ZMIZ1: variants seen among roughly 807,000 people sequenced by gnomAD.
The protein encoded by ZMIZ1 is zinc finger MIZ-type containing 1.
In ZMIZ1, 17 loss-of-function variants were observed where a neutral mutation model predicts 113.9. That is an observed-to-expected ratio of 0.15 (90% CI 0.10 to 0.22). ZMIZ1 has a LOEUF of 0.22. Ranked by LOEUF, ZMIZ1 falls within the 10% of genes least tolerant of loss-of-function variation. The pLI, the probability that ZMIZ1 is intolerant of heterozygous loss-of-function variation, is 1.00. For missense variants in ZMIZ1, 1,059 were observed against 1,477.8 expected (o/e 0.72, Z 4.65); for synonymous variants, 607 against 603.1 (o/e 1.01, Z -0.09).
intron 4 of ZMIZ1, among the ~76,000 whole-genome samples, chr10:79,163,317 G>A (rs1174623221): frequency 6.6e-6 from 1 of 152,254 alleles, no homozygotes; most frequent in African/African-American, 2.4e-5. Context: ...CGTTCCTGCT[G>A]CAGGAAATCC....
At chr10:79,222,107 G>A (rs1032201628) in intron 7 of ZMIZ1, among the ~76,000 whole-genome samples, 1 of 152,252 alleles carries the variant, frequency 6.6e-6, no homozygotes, top group Non-Finnish European at 1.5e-5. Context: ...GTGGCTGGTG[G>A]CTGTCAATCA....
chr10:79,180,143 G>A (rs2132564882), intron 4 of ZMIZ1, among the ~76,000 whole-genome samples: 1 of 152,354 alleles, frequency 6.6e-6, no homozygotes, highest in South Asian at 2.1e-4. Context: ...CCAGGAGGGG[G>A]CATGGCCTGC....
chr10:79,142,314 G>A (rs1845305022), intron 3 of ZMIZ1, among the ~76,000 whole-genome samples: 1 of 152,190 alleles, frequency 6.6e-6, no homozygotes, highest in African/African-American at 2.4e-5. Flanking sequence ...TGGATTGATG[G>A]TGTTGCAAGT....
chr10:79,208,276 A>G, intron 5 of ZMIZ1, 60 bp from the exon 6 acceptor site: 3 of 1,498,750 alleles, frequency 2.0e-6, no homozygotes, highest in Non-Finnish European at 2.8e-6. Flanking sequence ...AGACCCCCAC[A>G]CGCTGCCTGT....
At chr10:79,181,466 G>A (rs572514353) in intron 4 of ZMIZ1, among the ~76,000 whole-genome samples, 214 of 152,332 alleles carry the variant, frequency 1.4e-3, no homozygotes, top group Middle Eastern at 3.4e-3. Flanking sequence ...CACCTCCTTG[G>A]GGCGGAGGCA....
rs201734007 is a variant in ZMIZ1, at chr10:79,311,066, C to T, written c.2978C>T (p.Pro993Leu). The T allele has an allele frequency of 3.5e-5, 56 of 1,613,638 alleles. No homozygotes were observed. The Middle Eastern group carries it at 6.6e-4, about 19-fold the overall frequency. Reference protein sequence around the residue: ...PPPPSQPPRQPPQAAPSSHPH... With the variant: ...PPPPSQPPRQLPQAAPSSHPH... ...CCTCCTTCCCAGCCTCCCCGGCAGC[C>T]GCCACAGGCCGCTCCCAGCAGCCAT... Residue 993 changes from proline to leucine, a missense_variant, in exon 24 of 25, where the codon CCG (proline) becomes CTG (leucine). Transcript: ENST00000334512.
chr10:79,306,305 C>T lies in ZMIZ1; in HGVS notation c.2629C>T (p.Pro877Ser). The T allele has an allele frequency of 1.9e-6, 3 of 1,612,922 alleles. No individual in the cohort carries two copies. The highest frequency in any genetic ancestry group is 2.2e-5 in the South Asian group (2 of 91,084). ...CCCGTCCCCCTATCCCCTCCCGCCT[C>T]CCCCAGGGGGCACCAACTCCAACGA... ...PGPSPYPLPP[P>S]PGGTNSNDYS... The change falls in exon 22 of 25, where the codon CCC becomes TCC. Residue 877 changes from proline (P) to serine (S), a missense_variant. Transcript: ENST00000334512.
At chr10:79,097,049 G>T (rs2132247644) in intron 1 of ZMIZ1, among the ~76,000 whole-genome samples, 1 of 152,288 alleles carries the variant, frequency 6.6e-6, no homozygotes, top group East Asian at 1.9e-4. Context: ...ACCGGCAGGG[G>T]CAGAGCAGCT....
At chr10:79,103,890 G>A (rs1843459678) in intron 1 of ZMIZ1, among the ~76,000 whole-genome samples, 1 of 152,218 alleles carries the variant, frequency 6.6e-6, no homozygotes, top group African/African-American at 2.4e-5. Context: ...CAAAAGGCTG[G>A]ACAAGTTGGA....
intron 3 of ZMIZ1, among the ~76,000 whole-genome samples, chr10:79,147,101 A>G (rs1845522819): frequency 6.6e-6 from 1 of 152,158 alleles, no homozygotes; most frequent in Non-Finnish European, 1.5e-5. Flanking sequence ...GAGAAGGGCC[A>G]CATTGGTGTG....
In ZMIZ1 at chr10:79,087,796, C is replaced by T. The variant is rs117847939; in HGVS notation, c.-337+18526C>T. 4.2e-3 allele frequency among the ~76,000 whole-genome samples: 644 copies of T among 152,368 alleles called. 9 individuals carry two copies. The highest frequency in any genetic ancestry group is 0.037 in the Admixed American group (567 of 15,306). On this transcript the variant is annotated intron_variant, in intron 1 of 24. Transcript: ENST00000334512. ...GCCTGGAGAACTCCTAGGCATCCTG[C>T]AAACTCTGCCCAAGCCTCAGCTTGC...
intron 11 of ZMIZ1, chr10:79,292,754 A>T (rs1042720347): frequency 2.1e-6 from 1 of 468,632 alleles, no homozygotes; most frequent in Admixed American, 2.3e-5. Flanking sequence ...GTGCCCTCCT[A>T]GTCACCCTAT....
chr10:79,195,820 G>A (rs1026564497), intron 4 of ZMIZ1, among the ~76,000 whole-genome samples: 1 of 152,198 alleles, frequency 6.6e-6, no homozygotes. Context: ...ATTAACAGCT[G>A]GAAAGGTAGA....
At chr10:79,217,993 G>C (rs1275485997) in intron 7 of ZMIZ1, among the ~76,000 whole-genome samples, 1 of 152,202 alleles carries the variant, frequency 6.6e-6, no homozygotes, top group Admixed American at 6.5e-5. Context: ...CAGGCACCCA[G>C]CAAGGGCTGA....
chr10:79,292,133 C>T (rs1434801748), intron 10 of ZMIZ1, 25 bp from the exon 11 acceptor site: 19 of 1,589,502 alleles, frequency 1.2e-5, no homozygotes, highest in South Asian at 3.4e-5. Flanking sequence ...CAGTACCTAA[C>T]TCTTCCACCC....
intron 22 of ZMIZ1, among the ~76,000 whole-genome samples, chr10:79,306,676 G>A (rs1854722057): frequency 6.6e-6 from 1 of 152,166 alleles, no homozygotes; most frequent in Non-Finnish European, 1.5e-5. Flanking sequence ...TAGGGACAGA[G>A]TCCAGGTTCC....
chr10:79,202,189 G>GGAA (rs1564716548), intron 5 of ZMIZ1, among the ~76,000 whole-genome samples: 5 of 52,632 alleles, frequency 9.5e-5, no homozygotes, highest in East Asian at 6.1e-4. Flanking sequence ...CCCTGTCTCA[G>GGAA]AAAAAAAAAA....
At chr10:79,167,173 C>T (rs1846391109) in intron 4 of ZMIZ1, among the ~76,000 whole-genome samples, 1 of 152,248 alleles carries the variant, frequency 6.6e-6, no homozygotes. Context: ...AAATCCAGAG[C>T]CTTCCTTCGA....
chr10:79,078,108 G>T (rs74447382), intron 1 of ZMIZ1, among the ~76,000 whole-genome samples: 6 of 152,196 alleles, frequency 3.9e-5, no homozygotes, highest in Admixed American at 3.9e-4. Context: ...ACCTACTAGG[G>T]CAGCTTGTTC....
Sources: gnomAD v4.1 joint callset for allele counts (sites outside exome capture counted in the v4.1 genomes callset) on GRCh38, gnomAD v4.1.1 for gene constraint, MANE v1.5 for transcripts, NCBI Gene and HGNC (gene_info 2026-07-23, HGNC 2026-07-21) for gene names.